JKAMP: variants seen among roughly 807,000 people sequenced by gnomAD.
The protein encoded by JKAMP is JNK1/MAPK8-associated membrane protein.
In JKAMP, 20 loss-of-function variants were observed where a neutral mutation model predicts 40.2. The ratio of observed to expected loss-of-function variants is 0.50; its 90% CI spans 0.35 to 0.72. The LOEUF (loss-of-function observed/expected upper bound fraction) is 0.72, where lower values mean the gene tolerates loss of function less well. Ranked by LOEUF, JKAMP falls within the 30% of genes least tolerant of loss-of-function variation. JKAMP has a pLI of 0.01. For missense variants in JKAMP, 276 were observed against 373.0 expected, an observed-to-expected ratio of 0.74 and a Z score of 2.14; for synonymous variants, 138 against 131.6, an observed-to-expected ratio of 1.05 and a Z score of -0.33.
chr14:59,497,344 G>T (rs1891526639), intron 4 of JKAMP, among the ~76,000 whole-genome samples: 1 of 152,156 alleles, frequency 6.6e-6, no homozygotes, highest in African/African-American at 2.4e-5. Flanking sequence ...CCCACATGTA[G>T]GCAGCATGGA....
chr14:59,504,273 C>T lies in JKAMP; in HGVS notation c.*201C>T, dbSNP rs1335185288. 8.6e-6 allele frequency: 5 copies of T among 578,338 alleles called. No homozygotes were observed. The highest frequency in any genetic ancestry group is 3.7e-5 in the African/African-American group (2 of 53,384). The allele number at this position is 578,338 out of a possible 1,614,324, so 35.8% of individuals were successfully genotyped here. A position where few individuals can be genotyped will look rare whatever the true frequency, so the allele number is the denominator to read the frequency against. The stretch of plus-strand genomic sequence containing the variant: ...CAAAACTCTGTAATACTCTGTTACA[C>T]AGGGTAATATTATCTGCTACACTGG... On this transcript the variant is annotated 3_prime_UTR_variant, in exon 7 of 7. Coordinates refer to ENST00000616435, the MANE Select transcript of JKAMP (RefSeq NM_016475.5).
Position 59,504,329 on chromosome 14 carries a change from A to G in JKAMP, c.*257A>G, listed in dbSNP as rs948026526. 24 of 438,156 alleles carry G rather than the reference A, an allele frequency of 5.5e-5. No homozygotes were observed. The Admixed American group carries it at 6.7e-4, about 12-fold the overall frequency. The allele number at this position is 438,156 out of a possible 1,614,324, so 27.1% of individuals were successfully genotyped here. On this transcript the variant is annotated 3_prime_UTR_variant, in exon 7 of 7. Coordinates refer to ENST00000616435, the MANE Select transcript of JKAMP (RefSeq NM_016475.5). ...CGCTAGGAAGCCCTTGCTTCTCTCA[A>G]CAGTTCAGCTGTTCTTTAGGGCAAA...
chr14:59,499,171 G>A (rs1404297687), intron 5 of JKAMP, among the ~76,000 whole-genome samples: 1 of 151,338 alleles, frequency 6.6e-6, no homozygotes, highest in Non-Finnish European at 1.5e-5. Flanking sequence ...CTACAGGCAT[G>A]TGCCACCACA....
chr14:59,497,225 C>CA (rs899160662), intron 4 of JKAMP, among the ~76,000 whole-genome samples: 2 of 151,880 alleles, frequency 1.3e-5, no homozygotes, highest in Non-Finnish European at 2.9e-5. Context: ...TAACTTACTG[C>CA]AAAAAAATAA....
rs748299528 is a variant in JKAMP at position 59,504,280 on chromosome 14, ATAT to A, written c.*212_*214del. ...CTGTAATACTCTGTTACACAGGGTA[ATAT>A]TATCTGCTACACTGGAAGGCCGCTA... On this transcript the variant is annotated 3_prime_UTR_variant, in exon 7 of 7. Transcript: ENST00000616435. 1.8e-6 allele frequency: 1 copy of A among 547,976 alleles called. No homozygotes were observed. The highest frequency in any genetic ancestry group is 3.2e-6 in the Non-Finnish European group (1 of 310,530). The allele number at this position is 547,976 out of a possible 1,614,324, so 33.9% of individuals were successfully genotyped here. A position where few individuals can be genotyped will look rare whatever the true frequency, so the allele number is the denominator to read the frequency against.
rs776604972 is a variant in JKAMP at position 59,484,542 on chromosome 14, C to T, written c.-48C>T. On this transcript the variant is annotated 5_prime_UTR_variant, in exon 1 of 7. Transcript: ENST00000616435. ...GTGGCCCGGATGTTCGGTGCAGCTG[C>T]CAGATCCGCTGATCTAGTGCTTCTC... The T allele has an allele frequency of 4.5e-6, 7 of 1,562,446 alleles. No individual in the cohort carries two copies. Among genetic ancestry groups the T allele is most frequent in the Admixed American group, 3.8e-5 (2 of 52,210 alleles).
At position 59,484,524 on chromosome 14, in the gene JKAMP, G is replaced by A; in HGVS notation, c.-66G>A. The A allele has an allele frequency of 6.4e-7, 1 of 1,551,050 alleles. No homozygotes were observed. The highest frequency in any genetic ancestry group is 2.4e-5 in the East Asian group (1 of 41,410). Reference sequence around the variant, plus strand: ...GGAGCCGCCGAGCTCGCTGTGGCCCGGATGTTCGGTGCAGCTGCCAGATCC... The same window carrying A: ...GGAGCCGCCGAGCTCGCTGTGGCCCAGATGTTCGGTGCAGCTGCCAGATCC... On this transcript the variant is annotated 5_prime_UTR_variant, in exon 1 of 7. Coordinates refer to ENST00000616435, the MANE Select transcript of JKAMP (RefSeq NM_016475.5).
At chr14:59,496,357 C>T (rs904250670) in intron 4 of JKAMP, among the ~76,000 whole-genome samples, 1 of 151,598 alleles carries the variant, frequency 6.6e-6, no homozygotes, top group African/African-American at 2.4e-5. Context: ...TAATTACCCT[C>T]TTGTCATATA....
chr14:59,495,198 C>G lies in JKAMP; in HGVS notation c.432C>G (p.His144Gln), dbSNP rs758723477. 2 of 1,612,604 alleles carry G rather than the reference C, an allele frequency of 1.2e-6. No homozygotes were observed. The highest frequency in any genetic ancestry group is 1.7e-6 in the Non-Finnish European group (2 of 1,178,626). Residue 144 changes from histidine to glutamine, a missense_variant, in exon 4 of 7, where the codon CAC becomes CAG. Physicochemically the swap from His to Gln is conservative, Grantham distance 24. Coordinates refer to ENST00000616435, the MANE Select transcript of JKAMP (RefSeq NM_016475.5). ...GTCCAGATTACGTTACCACAGTACA[C>G]TGTACTCATGAAGCCGTCTACCCAC... ...NPSPDYVTTV[H>Q]CTHEAVYPLY...
chr14:59,487,720 C>G lies in JKAMP; in HGVS notation c.143C>G (p.Pro48Arg). Residue 48 changes from proline to arginine, a missense_variant, in exon 3 of 7, where the codon CCT (proline) becomes CGT (arginine). Pro to Arg is a moderately radical substitution (Grantham distance 103). Transcript: ENST00000616435. ...ACGAATGCACAGAAATATTGTCAGC[C>G]TTGCACAGAATCTCCTGAACTTTAT... ...QRTNAQKYCQPCTESPELYDW... is the reference protein window; with the variant it reads ...QRTNAQKYCQRCTESPELYDW... 2 of 1,613,216 alleles carry G rather than the reference C, an allele frequency of 1.2e-6. No homozygotes were observed. Among genetic ancestry groups the G allele is most frequent in the Non-Finnish European group, 1.7e-6 (2 of 1,179,340 alleles).
chr14:59,495,343 G>A (rs1035560381), intron 4 of JKAMP, 119 bp downstream of exon 4: 20 of 683,614 alleles, frequency 2.9e-5, no homozygotes, highest in East Asian at 2.7e-4. Context: ...GTCTGCCAGC[G>A]GCTTTATTAC....
At chr14:59,503,719 G>A (rs983837907) in intron 6 of JKAMP, 135 bp from the exon 7 acceptor site, 6 of 613,554 alleles carry the variant, frequency 9.8e-6, no homozygotes, top group Non-Finnish European at 1.6e-5. Context: ...GATTTCTTAA[G>A]TCTTTTTTAG....
In JKAMP at chr14:59,504,395, TAAG is replaced by T. The variant is rs1467487296; in HGVS notation, c.*326_*328del. On this transcript the variant is annotated 3_prime_UTR_variant, in exon 7 of 7. Coordinates refer to ENST00000616435, the MANE Select transcript of JKAMP (RefSeq NM_016475.5). ...ACCTAGCAATGTGTTCCCATTTTAT[TAAG>T]AAAAGCTTTAACACGTGTAATCTGC... 5 of 255,688 alleles carry T rather than the reference TAAG, an allele frequency of 2.0e-5. No individual in the cohort carries two copies. Among genetic ancestry groups the T allele is most frequent in the African/African-American group, 4.4e-5 (2 of 45,012 alleles). 15.8% of individuals were successfully genotyped at this position (255,688 alleles called of 1,614,324 possible).
chr14:59,498,660 A>C, intron 4 of JKAMP, 67 bp from the exon 5 acceptor site: 1 of 884,614 alleles, frequency 1.1e-6, no homozygotes, highest in South Asian at 1.9e-5. Flanking sequence ...TTCATTTAAA[A>C]ATGATCAAGA....
Position 59,497,851 on chromosome 14 carries a change from C to T in JKAMP, c.459-876C>T, listed in dbSNP as rs561258296. On this transcript the variant is annotated intron_variant, in intron 4 of 6. Coordinates refer to ENST00000616435, the MANE Select transcript of JKAMP (RefSeq NM_016475.5). ...CTGTGTGGGGAGGAAGCATGTGGTC[C>T]GTGATCTGAAATGACTGCTGACTTC... 2.0e-5 allele frequency among the ~76,000 whole-genome samples: 3 copies of T among 152,156 alleles called. No homozygotes were observed. The East Asian group carries it at 5.8e-4, about 29-fold the overall frequency.
At chr14:59,495,368 C>T (rs369747366) in intron 4 of JKAMP, 144 bp downstream of exon 4, 1 of 606,978 alleles carries the variant, frequency 1.6e-6, no homozygotes, top group Non-Finnish European at 2.9e-6. Flanking sequence ...AACATGTAAA[C>T]AGCCTCTTGT....
chr14:59,502,755 T>TGTTTTGTTTTGTTTTGTTGTTTTG (rs67189643), intron 6 of JKAMP, among the ~76,000 whole-genome samples: 1 of 122,918 alleles, frequency 8.1e-6, no homozygotes, highest in Non-Finnish European at 1.6e-5. Flanking sequence ...ATGAGATTTT[T>TGTTTTGTTTTGTTTTGTTGTTTTG]TTTTTTTTTT....
intron 1 of JKAMP, chr14:59,485,230 A>T (rs749277034): frequency 3.5e-6 from 4 of 1,138,612 alleles, no homozygotes; most frequent in Non-Finnish European, 3.7e-6. Context: ...CATCTACTAG[A>T]TGTAAAGCCC....
chr14:59,502,625 A>G (rs1566583712), intron 6 of JKAMP, among the ~76,000 whole-genome samples: 2 of 152,124 alleles, frequency 1.3e-5, no homozygotes, highest in Non-Finnish European at 2.9e-5. Flanking sequence ...CTTTGTAATC[A>G]TCTTTAACCA....
Sources: allele counts gnomAD v4.1 joint callset (sites outside exome capture counted in the v4.1 genomes callset), GRCh38; gene constraint gnomAD v4.1.1; transcripts MANE v1.5; gene names NCBI Gene and HGNC (gene_info 2026-07-23, HGNC 2026-07-21).